Variants in SVEP1 observed in about 807,000 individuals in gnomAD.
SVEP1 encodes sushi, von Willebrand factor type A, EGF and pentraxin domain-containing protein 1.
A neutral mutation model predicts 367.3 loss-of-function variants in SVEP1; 164 were observed. That is an observed-to-expected ratio of 0.45 (90% confidence interval 0.39 to 0.51). SVEP1 has a LOEUF of 0.51. SVEP1 is among the 20% of genes least tolerant of loss of function. SVEP1 has a pLI of 0.00. For synonymous variants in SVEP1, 1,666 were observed against 1,611.6 expected (o/e 1.03, Z -0.81); for missense variants, 4,117 against 4,425.3 (o/e 0.93, Z 1.98).
chr9:110,443,850 T>C (rs1230391340), intron 26 of SVEP1, 130 bp from the exon 27 acceptor site: 1 of 677,320 alleles, frequency 1.5e-6, no homozygotes, highest in Non-Finnish European at 2.2e-6. Flanking sequence ...TCCATTACTC[T>C]TTTTTTTTCT....
chr9:110,423,670 T>G (rs1208052073), intron 36 of SVEP1, among the ~76,000 whole-genome samples: 1 of 151,954 alleles, frequency 6.6e-6, no homozygotes, highest in Non-Finnish European at 1.5e-5. Context: ...ATGGGTATAT[T>G]AAAATAAAAA....
In SVEP1 at chr9:110,549,885, C is replaced by T; in HGVS notation, c.751G>A (p.Glu251Lys). 1 of 1,613,880 alleles carries T rather than the reference C, an allele frequency of 6.2e-7. No individual in the cohort carries two copies. Among genetic ancestry groups the T allele is most frequent in the Non-Finnish European group, 8.5e-7 (1 of 1,179,830 alleles). Residue 251 changes from glutamate (E) to lysine (K), a missense_variant, in exon 2 of 48, where the codon GAA (glutamate) becomes AAA (lysine). Physicochemically the swap from Glu to Lys is moderately conservative, Grantham distance 56. Around this residue, in one of 4 missense-constraint regions of SVEP1, gnomAD observed 2,174 missense variants for 2,494.3 expected, o/e 0.87. Transcript: ENST00000374469. ...EHCYLLHSFE[E>K]FEALARRALH... Reference sequence around the variant, plus strand: ...GCCCGGCGAGCTAAAGCCTCAAATTCTTCAAAACTGTGTAGCAGGTAACAG... The same window carrying T: ...GCCCGGCGAGCTAAAGCCTCAAATTTTTCAAAACTGTGTAGCAGGTAACAG...
intron 2 of SVEP1, among the ~76,000 whole-genome samples, chr9:110,549,587 T>C (rs1391805273): frequency 6.6e-6 from 1 of 152,026 alleles, no homozygotes; most frequent in Non-Finnish European, 1.5e-5. Context: ...TTCCACTGAT[T>C]CTAAGGTGGG....
chr9:110,379,621 G>A, intron 43 of SVEP1, 104 bp from the exon 44 acceptor site: 1 of 1,192,418 alleles, frequency 8.4e-7, no homozygotes, highest in East Asian at 2.6e-5. Flanking sequence ...AAATACATAA[G>A]GGAAACATTT....
At chr9:110,401,121 G>T in intron 39 of SVEP1, 112 bp from the exon 40 acceptor site, 1 of 1,328,222 alleles carries the variant, frequency 7.5e-7, no homozygotes, top group Non-Finnish European at 1.0e-6. Flanking sequence ...ATAGTCAAAA[G>T]CACCCAGGGT....
At chr9:110,492,971 A>T (rs1373567899) in intron 8 of SVEP1, among the ~76,000 whole-genome samples, 1 of 152,138 alleles carries the variant, frequency 6.6e-6, no homozygotes. Context: ...TTATTTGAGC[A>T]ATATGGACAG....
chr9:110,399,337 T>G (rs927332760), intron 40 of SVEP1, among the ~76,000 whole-genome samples: 1 of 145,402 alleles, frequency 6.9e-6, no homozygotes, highest in Admixed American at 7.0e-5. Flanking sequence ...ACACACTGGG[T>G]CCTGTTGTGG....
At chr9:110,448,720 C>G (rs750661924) in intron 24 of SVEP1, among the ~76,000 whole-genome samples, 2 of 152,120 alleles carry the variant, frequency 1.3e-5, no homozygotes, top group Non-Finnish European at 2.9e-5. Context: ...CGTTTTAAAC[C>G]CAGGAAAGAG....
intron 40 of SVEP1, among the ~76,000 whole-genome samples, chr9:110,395,587 T>C (rs1391201324): frequency 6.6e-6 from 1 of 152,122 alleles, no homozygotes; most frequent in South Asian, 2.1e-4. Context: ...GACCCATCAG[T>C]GTGCTATATT....
intron 3 of SVEP1, among the ~76,000 whole-genome samples, chr9:110,533,565 G>A (rs1347312066): frequency 1.3e-5 from 2 of 149,418 alleles, no homozygotes; most frequent in Non-Finnish European, 3.0e-5. Context: ...AATCTATTGT[G>A]GATACCCGGG....
chr9:110,369,921 A>T lies in SVEP1; in HGVS notation c.10694+2T>A. 6.2e-7 allele frequency: 1 copy of T among 1,611,408 alleles called. No individual in the cohort carries two copies. Among genetic ancestry groups the T allele is most frequent in the African/African-American group, 1.3e-5 (1 of 74,974 alleles). The stretch of plus-strand genomic sequence containing the variant: ...GCGAACATTAGTTTTTGGTTATCTT[A>T]CCTGGAACAGTTATGTCCCGTCCAA... On this transcript the variant is annotated splice_donor_variant, in intron 47 of 47. Coordinates refer to ENST00000374469, the MANE Select transcript of SVEP1 (RefSeq NM_153366.4). LOFTEE classifies it high-confidence loss of function.
At chr9:110,543,304 C>T (rs912030632) in intron 3 of SVEP1, among the ~76,000 whole-genome samples, 3 of 152,072 alleles carry the variant, frequency 2.0e-5, no homozygotes, top group African/African-American at 7.2e-5. Flanking sequence ...TAATTTAAAT[C>T]TTGTATGTAA....
chr9:110,514,549 C>T lies in SVEP1; in HGVS notation c.965-443G>A, dbSNP rs552189837. Reference sequence around the variant, plus strand: ...AAAAAAGAAAGAAAGAAAAAGAAATCGTAATATAATTTAAGCAAAGAGAGA... The same window carrying T: ...AAAAAAGAAAGAAAGAAAAAGAAATTGTAATATAATTTAAGCAAAGAGAGA... On this transcript the variant is annotated intron_variant, in intron 3 of 47. Coordinates refer to ENST00000374469, the MANE Select transcript of SVEP1 (RefSeq NM_153366.4). Among the ~76,000 whole-genome samples the T allele has an allele frequency of 2.6e-4, 40 of 151,178 alleles. No individual in the cohort carries two copies. The Middle Eastern group carries it at 0.014, about 51-fold the overall frequency.
intron 9 of SVEP1, among the ~76,000 whole-genome samples, chr9:110,489,234 C>G (rs1829330426): frequency 6.6e-6 from 1 of 152,134 alleles, no homozygotes; most frequent in African/African-American, 2.4e-5. Context: ...CTCTGGGGTT[C>G]TGGATTGCTT....
At chr9:110,412,378 T>C (rs970480830) in intron 36 of SVEP1, among the ~76,000 whole-genome samples, 1 of 152,058 alleles carries the variant, frequency 6.6e-6, no homozygotes, top group Non-Finnish European at 1.5e-5. Flanking sequence ...GTGGCTAGAG[T>C]TGAAAGGTGT....
rs1326193946 is a variant in SVEP1, at chr9:110,408,150, C to T, written c.7450G>A (p.Gly2484Ser). Residue 2484 changes from glycine (G) to serine (S), a missense_variant, in exon 38 of 48, where the codon GGT becomes AGT. This residue lies in a region of SVEP1 where 1,765 missense variants were observed against 1,781.1 expected (regional missense o/e 0.99). Coordinates refer to ENST00000374469, the MANE Select transcript of SVEP1 (RefSeq NM_153366.4). Reference protein sequence around the residue: ...GNTTTLCGENGHWLGGKPTCK... With the variant: ...GNTTTLCGENSHWLGGKPTCK... ...GTTGGTTTTCCTCCAAGCCAGTGAC[C>T]ATTTTCTCCACAAAGGGTGGTAGTA... 1 of 1,613,750 alleles carries T rather than the reference C, an allele frequency of 6.2e-7. No individual in the cohort carries two copies. The highest frequency in any genetic ancestry group is 8.5e-7 in the Non-Finnish European group (1 of 1,179,862).
chr9:110,463,079 A>C (rs1051819490), intron 18 of SVEP1, among the ~76,000 whole-genome samples: 2 of 152,096 alleles, frequency 1.3e-5, no homozygotes, highest in African/African-American at 2.4e-5. Context: ...TAAATAAATC[A>C]GTTTCCTAAG....
At chr9:110,494,830 C>T (rs1031876203) in intron 8 of SVEP1, among the ~76,000 whole-genome samples, 1 of 151,768 alleles carries the variant, frequency 6.6e-6, no homozygotes, top group African/African-American at 2.4e-5. Flanking sequence ...TATAAAGAAA[C>T]CCAATTATTT....
In SVEP1 at chr9:110,404,559, T is replaced by C. The variant is rs1588036532; in HGVS notation, c.9441-7A>G. ...CGTATAACCTTCCAGACATCTGCAA[T>C]GGAAATGCAAAAATGAGTGCCTTAA... is the stretch of plus-strand genomic sequence containing the variant. On this transcript the variant is annotated splice_polypyrimidine_tract_variant and splice_region_variant and intron_variant, in intron 38 of 47. Transcript: ENST00000374469. The C allele has an allele frequency of 3.1e-6, 5 of 1,613,064 alleles. No homozygotes were observed. Among genetic ancestry groups the C allele is most frequent in the Admixed American group, 1.7e-5 (1 of 59,902 alleles).
Sources: allele counts gnomAD v4.1 joint callset (sites outside exome capture counted in the v4.1 genomes callset), GRCh38; gene constraint gnomAD v4.1.1; regional missense constraint gnomAD v4.1.1; transcripts MANE v1.5; gene names NCBI Gene and HGNC (gene_info 2026-07-23, HGNC 2026-07-21).